MGAM: variants seen among roughly 807,000 people sequenced by gnomAD.
MGAM encodes the protein maltase-glucoamylase.
In MGAM, 253 loss-of-function variants were observed where a neutral mutation model predicts 358.8. The observed-to-expected ratio is 0.71, with a 90% CI of 0.64 to 0.78. The LOEUF (loss-of-function observed/expected upper bound fraction) is 0.78, where lower values mean the gene tolerates loss of function less well. Among genes scored for constraint, MGAM ranks in the 30% least tolerant of loss-of-function variants. The pLI is 0.00. For missense variants in MGAM, 3,080 were observed against 3,432.6 expected (o/e 0.90, Z 2.57); for synonymous variants, 1,105 against 1,227.1 (o/e 0.90, Z 2.08).
rs114936410 is a variant in MGAM at position 142,019,278 on chromosome 7, A to G, written c.407A>G (p.His136Arg). The G allele has an allele frequency of 9.3e-4, 1,507 of 1,613,560 alleles. 15 individuals carry two copies. The African/African-American group carries it at 0.018, about 20-fold the overall frequency. The change falls in exon 4 of 71, where the codon CAT (histidine) becomes CGT (arginine). Residue 136 changes from histidine (H) to arginine (R), a missense_variant. Coordinates refer to ENST00000475668, the MANE Select transcript of MGAM (RefSeq NM_001365693.1). The stretch of plus-strand genomic sequence containing the variant: ...CCCTGGTGCTACTATTCCAAGAATC[A>G]TAGCTACCATGTAGAGGGCAACCTT... ...SVPWCYYSKN[H>R]SYHVEGNLVN...
chr7:142,102,526 C>A, intron 68 of MGAM, 104 bp from the exon 69 acceptor site: 1 of 1,116,772 alleles, frequency 9.0e-7, no homozygotes, highest in Non-Finnish European at 1.3e-6. Flanking sequence ...GCCTTACTCT[C>A]TCAAACAAGA....
intron 1 of MGAM, among the ~76,000 whole-genome samples, chr7:141,998,982 C>CT (rs1180663909): frequency 1.3e-5 from 2 of 152,070 alleles, no homozygotes; most frequent in Non-Finnish European, 2.9e-5. Flanking sequence ...CCTCATTTAC[C>CT]CCCCACTTTT....
intron 22 of MGAM, among the ~76,000 whole-genome samples, chr7:142,049,266 A>G (rs957459438): frequency 3.3e-5 from 5 of 152,172 alleles, no homozygotes; most frequent in African/African-American, 1.2e-4. Context: ...CCATTGATGG[A>G]CACTTAGGTT....
At position 142,011,952 on chromosome 7, in the gene MGAM, T is replaced by C. The variant is rs562946510; in HGVS notation, c.327+3247T>C. On this transcript the variant is annotated intron_variant, in intron 3 of 70. Coordinates refer to ENST00000475668, the MANE Select transcript of MGAM (RefSeq NM_001365693.1). ...GACTCAAGATGCACATATTATAAAATAGCCTACATTTAAGATATTTCACAG... is the reference window on the plus strand; with the variant it reads ...GACTCAAGATGCACATATTATAAAACAGCCTACATTTAAGATATTTCACAG... Among the ~76,000 whole-genome samples the C allele has an allele frequency of 7.9e-5, 12 of 152,312 alleles. No homozygotes were observed. In the South Asian group the frequency reaches 2.5e-3, roughly 32 times the overall value.
intron 57 of MGAM, among the ~76,000 whole-genome samples, chr7:142,091,250 C>CAAAAAAAAAAAAAAA (rs34993763): frequency 9.2e-5 from 8 of 86,730 alleles, no homozygotes; most frequent in African/African-American, 3.3e-4. Flanking sequence ...GACTCTGTCT[C>CAAAAAAAAAAAAAAA]AAAAAAAAAA....
chr7:142,008,392 G>A (rs1805330614), intron 2 of MGAM, 114 bp from the exon 3 acceptor site: 2 of 1,124,494 alleles, frequency 1.8e-6, no homozygotes, highest in Non-Finnish European at 2.5e-6. Context: ...AAATTTTGAG[G>A]TCATCAGAGT....
Position 142,021,647 on chromosome 7 carries a change from G to A in MGAM, c.620G>A (p.Gly207Glu). The part of the protein sequence containing the change: ...VPHEHVQSFS[G>E]NAAASLTYQV... The stretch of plus-strand genomic sequence containing the variant: ...CACGAACACGTGCAGTCCTTCAGTG[G>A]AAATGCTGCTGCTTCTTTGACCTAC... The change falls in exon 6 of 71, where the codon GGA becomes GAA. Residue 207 changes from glycine (G) to glutamate (E), a missense_variant. Gly to Glu is a moderately conservative substitution (Grantham distance 98, BLOSUM62 -2). This residue lies in a region of MGAM where 1,816 missense variants were observed against 1,840.5 expected (regional missense o/e 0.99). Coordinates refer to ENST00000475668, the MANE Select transcript of MGAM (RefSeq NM_001365693.1). 6.2e-7 allele frequency: 1 copy of A among 1,613,952 alleles called. No individual in the cohort carries two copies. Among genetic ancestry groups the A allele is most frequent in the Non-Finnish European group, 8.5e-7 (1 of 1,179,834 alleles).
In MGAM at chr7:142,076,877, A is replaced by C. The variant is rs13309170; in HGVS notation, c.5493+51A>C. ...TACATTGAGAATTCTCCATAGCACCATGATGTTTCTTCTTGCCAAGTTTGC... is the reference window on the plus strand; with the variant it reads ...TACATTGAGAATTCTCCATAGCACCCTGATGTTTCTTCTTGCCAAGTTTGC... On this transcript the variant is annotated intron_variant, in intron 47 of 70. Transcript: ENST00000475668. 1.3e-6 allele frequency: 2 copies of C among 1,507,496 alleles called. 1 individual carries two copies. The highest frequency in any genetic ancestry group is 1.8e-6 in the Non-Finnish European group (2 of 1,094,834). The allele number at this position is 1,507,496 out of a possible 1,614,324, so 93.4% of individuals were successfully genotyped here.
chr7:142,064,732 G>A (rs1812556551), intron 37 of MGAM, among the ~76,000 whole-genome samples: 1 of 152,172 alleles, frequency 6.6e-6, no homozygotes, highest in African/African-American at 2.4e-5. Context: ...AATAAGGCAT[G>A]GTCCCACCAG....
At chr7:142,054,085 T>C (rs989535546) in intron 26 of MGAM, among the ~76,000 whole-genome samples, 5 of 152,226 alleles carry the variant, frequency 3.3e-5, no homozygotes, top group African/African-American at 1.2e-4. Flanking sequence ...TTTAATATTC[T>C]AGACTGTATT....
rs1295894850 is a variant in MGAM, at chr7:141,995,890, A to G, written c.-43A>G. The G allele has an allele frequency of 2.6e-5, 4 of 152,220 alleles. No individual in the cohort carries two copies. The highest frequency in any genetic ancestry group is 2.6e-4 in the Admixed American group (4 of 15,288). The allele number at this position is 152,220 out of a possible 1,614,324, so 9.4% of individuals were successfully genotyped here. On this transcript the variant is annotated 5_prime_UTR_variant, in exon 1 of 71. Transcript: ENST00000475668. ...GCTCCTCTGCTTTTATTGCTAAGCC[A>G]TCCTTCAGACAGAGAGGGAGCGGCT...
At chr7:141,990,539 A>G (rs1803902520) in intron 2 of MGAM, among the ~76,000 whole-genome samples, 1 of 152,102 alleles carries the variant, frequency 6.6e-6, no homozygotes, top group African/African-American at 2.4e-5. Context: ...CTGAGATGAG[A>G]TGCTAGAATC....
At position 142,020,964 on chromosome 7, in the gene MGAM, C is replaced by A; in HGVS notation, c.449-10C>A. On this transcript the variant is annotated splice_polypyrimidine_tract_variant and intron_variant, in intron 4 of 70. Transcript: ENST00000475668. ...TCAACTATGAAAACCTTTTTTTTCT[C>A]CTATGTTAGGATTCACAGCCCGGTT... 6.3e-7 allele frequency: 1 copy of A among 1,585,982 alleles called. No individual in the cohort carries two copies. Among genetic ancestry groups the A allele is most frequent in the Non-Finnish European group, 8.6e-7 (1 of 1,158,970 alleles).
chr7:142,018,556 C>A (rs781830509), intron 3 of MGAM, among the ~76,000 whole-genome samples: 2 of 152,088 alleles, frequency 1.3e-5, no homozygotes, highest in African/African-American at 4.8e-5. Context: ...GTTGCTTCTC[C>A]CAAATTAGTT....
intron 21 of MGAM, among the ~76,000 whole-genome samples, chr7:142,044,390 C>T (rs1433131104): frequency 9.8e-6 from 1 of 102,416 alleles, no homozygotes; most frequent in African/African-American, 2.8e-5. Context: ...ATTATATACA[C>T]ATACGATATA....
intron 67 of MGAM, 22 bp downstream of exon 67, chr7:142,099,759 T>TAGCTGAG: frequency 1.2e-6 from 2 of 1,612,288 alleles, no homozygotes; most frequent in South Asian, 2.2e-5. Context: ...GACTCAGGTT[T>TAGCTGAG]TCCTTTACAT....
intron 1 of MGAM, among the ~76,000 whole-genome samples, chr7:141,997,026 A>G (rs1207012690): frequency 6.6e-6 from 1 of 152,072 alleles, no homozygotes; most frequent in Non-Finnish European, 1.5e-5. Context: ...ATAAAACTTA[A>G]AAAAAGTTGG....
Position 142,036,933 on chromosome 7 carries a change from T to A in MGAM, c.2187T>A (p.Arg729=), listed in dbSNP as rs1554466195. 6.2e-7 allele frequency: 1 copy of A among 1,613,748 alleles called. No homozygotes were observed. The highest frequency in any genetic ancestry group is 8.5e-7 in the Non-Finnish European group (1 of 1,179,690). ...CCTACCTATACACCCTCTTCTTCCG[T>A]GCTCACAGCCGAGGGGACACGGTGG... ...LLPYLYTLFF[R]AHSRGDTVAR... Residue 729 remains arginine, a synonymous_variant, in exon 18 of 71, where the codon CGT becomes CGA. Coordinates refer to ENST00000475668, the MANE Select transcript of MGAM (RefSeq NM_001365693.1).
rs562653009 is a variant in MGAM, at chr7:142,081,414, A to G, written c.6002+469A>G. On this transcript the variant is annotated intron_variant, in intron 50 of 70. Coordinates refer to ENST00000475668, the MANE Select transcript of MGAM (RefSeq NM_001365693.1). ...AAGGTGATATTTTAATAGGACCTGG[A>G]TGAGAAGGAGCCACCCACATGAGAC... Among the ~76,000 whole-genome samples, 42 of 145,318 alleles carry G rather than the reference A, an allele frequency of 2.9e-4. 7 individuals are homozygous for G. Among genetic ancestry groups the G allele is most frequent in the Admixed American group, 1.5e-3 (21 of 14,428 alleles).
Sources: gnomAD v4.1 joint callset for allele counts (sites outside exome capture counted in the v4.1 genomes callset) on GRCh38, gnomAD v4.1.1 for gene constraint, gnomAD v4.1.1 regional missense constraint, MANE v1.5 for transcripts, NCBI Gene and HGNC (gene_info 2026-07-23, HGNC 2026-07-21) for gene names.